POU2F3: variants seen among roughly 807,000 people sequenced by gnomAD.
The protein encoded by POU2F3 is POU domain, class 2, transcription factor 3.
In POU2F3, 23 loss-of-function variants were observed where a neutral mutation model predicts 59.2. The ratio of observed to expected loss-of-function variants is 0.39; its 90% CI spans 0.28 to 0.55. The LOEUF (loss-of-function observed/expected upper bound fraction) is 0.55. Ranked by LOEUF, POU2F3 falls within the 20% of genes least tolerant of loss-of-function variation. The probability of loss-of-function intolerance (pLI) is 0.66; values close to 1 mark genes in which losing one functional copy is unlikely to be tolerated. For missense variants in POU2F3, 473 were observed against 544.5 expected (o/e 0.87, Z 1.31); for synonymous variants, 190 against 214.6 (o/e 0.89, Z 1.00).
At chr11:120,275,115 T>C (rs1487616477) in intron 3 of POU2F3, among the ~76,000 whole-genome samples, 1 of 152,140 alleles carries the variant, frequency 6.6e-6, no homozygotes, top group Non-Finnish European at 1.5e-5. Context: ...ACTTGGACTG[T>C]AGAATTCCCT....
In POU2F3 at chr11:120,318,221, C is replaced by A. The variant is rs755835787; in HGVS notation, c.1272-132C>A. 7 of 781,724 alleles carry A rather than the reference C, an allele frequency of 9.0e-6. No individual in the cohort carries two copies. In the African/African-American group the frequency reaches 1.0e-4, roughly 12 times the overall value. 48.4% of individuals were successfully genotyped at this position (781,724 alleles called of 1,614,324 possible). A position where few individuals can be genotyped will look rare whatever the true frequency, so the allele number is the denominator to read the frequency against. Reference sequence around the variant, plus strand: ...ATTCACAAGGTTGTGCAACCATCAGCGTTATCTAATTCCAGGATGTTTTTA... The same window carrying A: ...ATTCACAAGGTTGTGCAACCATCAGAGTTATCTAATTCCAGGATGTTTTTA... On this transcript the variant is annotated intron_variant, in intron 12 of 12. Coordinates refer to ENST00000543440, the MANE Select transcript of POU2F3 (RefSeq NM_014352.4).
chr11:120,246,659 C>G, intron 2 of POU2F3, 142 bp downstream of exon 2: 1 of 785,790 alleles, frequency 1.3e-6, no homozygotes, highest in Non-Finnish European at 2.1e-6. Context: ...AGGGAATTCC[C>G]TGAGGACATG....
intron 6 of POU2F3, 119 bp from the exon 7 acceptor site, chr11:120,304,911 G>T: frequency 1.3e-6 from 1 of 779,080 alleles, no homozygotes; most frequent in Non-Finnish European, 1.9e-6. Flanking sequence ...GTGTATCCAG[G>T]GATCTGTCAT....
At chr11:120,258,108 T>A (rs576582074) in intron 2 of POU2F3, among the ~76,000 whole-genome samples, 1 of 152,312 alleles carries the variant, frequency 6.6e-6, no homozygotes, top group East Asian at 1.9e-4. Context: ...CACGCGCCCC[T>A]CTGAGCTGCA....
At position 120,246,456 on chromosome 11, in the gene POU2F3, G is replaced by T. The variant is rs551934538; in HGVS notation, c.36G>T (p.Lys12Asn). 1.7e-5 allele frequency: 27 copies of T among 1,613,924 alleles called. No individual in the cohort carries two copies. In the South Asian group the frequency reaches 2.9e-4, roughly 17 times the overall value. The change falls in exon 2 of 13, where the codon AAG becomes AAT. Residue 12 changes from lysine (K) to asparagine (N), a missense_variant. Transcript: ENST00000543440. ...VNLESMHTDI[K>N]MSGDVADSTD... The stretch of plus-strand genomic sequence containing the variant: ...GTTGTGTTTTCCCTGCAGATATCAA[G>T]ATGAGTGGGGATGTAGCCGATTCCA...
intron 1 of POU2F3, 67 bp downstream of exon 1, chr11:120,240,438 C>T (rs1938613425): frequency 7.7e-7 from 1 of 1,305,804 alleles, no homozygotes; most frequent in African/African-American, 1.5e-5. Flanking sequence ...AGGAGAGGGA[C>T]AACGTTCTGG....
chr11:120,237,130 C>T (rs541922974), upstream of POU2F3, among the ~76,000 whole-genome samples: 1 of 152,304 alleles, frequency 6.6e-6, no homozygotes, highest in East Asian at 1.9e-4. Context: ...GCGTTTACTT[C>T]TCTGAACCTC....
chr11:120,246,230 G>C (rs779317029), intron 1 of POU2F3, among the ~76,000 whole-genome samples: 13 of 152,132 alleles, frequency 8.5e-5, no homozygotes, highest in Non-Finnish European at 1.8e-4. Context: ...CGGGGAAAGG[G>C]GAAGAGAAAG....
At chr11:120,297,319 T>C (rs1002807723) in intron 3 of POU2F3, among the ~76,000 whole-genome samples, 1 of 152,056 alleles carries the variant, frequency 6.6e-6, no homozygotes, top group Non-Finnish European at 1.5e-5. Context: ...CACGCATGGG[T>C]GGTTAGTACT....
chr11:120,302,321 C>G lies in POU2F3; in HGVS notation c.397C>G (p.Gln133Glu), dbSNP rs758248719. The change falls in exon 6 of 13, where the codon CAA becomes GAA. Residue 133 changes from glutamine (Q) to glutamate (E), a missense_variant. Coordinates refer to ENST00000543440, the MANE Select transcript of POU2F3 (RefSeq NM_014352.4). ...AAATCTCCTCCCCTTTCCACAGCAA[C>G]AAAGCGGTCTCCTCCTCCCACAGAC... ...QPNLLPFPQQ[Q>E]SGLLLPQTGP... The G allele has an allele frequency of 6.2e-7, 1 of 1,613,192 alleles. No homozygotes were observed. The highest frequency in any genetic ancestry group is 1.7e-5 in the Admixed American group (1 of 60,002).
chr11:120,267,301 G>C (rs1939867599), intron 2 of POU2F3, among the ~76,000 whole-genome samples: 1 of 151,972 alleles, frequency 6.6e-6, no homozygotes, highest in Non-Finnish European at 1.5e-5. Context: ...GCTAATTTTT[G>C]TATTTTTAGT....
chr11:120,273,314 C>T (rs752283697), intron 3 of POU2F3, among the ~76,000 whole-genome samples: 9 of 152,172 alleles, frequency 5.9e-5, no homozygotes, highest in Non-Finnish European at 1.3e-4. Flanking sequence ...TAAACTGCAA[C>T]GATGCATAGT....
chr11:120,283,392 G>C (rs1940650597), intron 3 of POU2F3, among the ~76,000 whole-genome samples: 1 of 152,196 alleles, frequency 6.6e-6, no homozygotes, highest in African/African-American at 2.4e-5. Context: ...ACTTTGTCCA[G>C]GATGTGGCAA....
intron 3 of POU2F3, among the ~76,000 whole-genome samples, chr11:120,276,433 G>C (rs1940328457): frequency 6.6e-6 from 1 of 152,070 alleles, no homozygotes; most frequent in Non-Finnish European, 1.5e-5. Context: ...ATGGAGGGAG[G>C]CTCCGAGACC....
upstream of POU2F3, chr11:120,240,114 G>T: frequency 8.6e-7 from 1 of 1,157,532 alleles, no homozygotes; most frequent in Non-Finnish European, 1.1e-6. Flanking sequence ...GGCGGCCCCC[G>T]CCCCGCGCCG....
intron 2 of POU2F3, among the ~76,000 whole-genome samples, chr11:120,262,255 C>T (rs1413541190): frequency 6.6e-6 from 1 of 152,238 alleles, no homozygotes; most frequent in Non-Finnish European, 1.5e-5. Flanking sequence ...TATCCATCAT[C>T]TGGATTCAAT....
chr11:120,271,531 G>A (rs1307053495), intron 3 of POU2F3, among the ~76,000 whole-genome samples: 1 of 152,228 alleles, frequency 6.6e-6, no homozygotes, highest in African/African-American at 2.4e-5. Flanking sequence ...CCAGCCCCTT[G>A]GGACAAGATG....
intron 3 of POU2F3, among the ~76,000 whole-genome samples, chr11:120,294,490 C>T (rs1234836932): frequency 2.0e-5 from 3 of 152,180 alleles, no homozygotes; most frequent in Non-Finnish European, 4.4e-5. Flanking sequence ...ATTGGGTTTT[C>T]GTCCAATTTG....
At chr11:120,237,159 G>A (rs973907927), upstream of POU2F3, among the ~76,000 whole-genome samples, 2 of 152,140 alleles carry the variant, frequency 1.3e-5, no homozygotes, top group African/African-American at 4.8e-5. Flanking sequence ...CATCTGTAAC[G>A]CAGGGCTAAT....
Sources: gnomAD v4.1 joint callset for allele counts (sites outside exome capture counted in the v4.1 genomes callset) on GRCh38, gnomAD v4.1.1 for gene constraint, MANE v1.5 for transcripts, NCBI Gene and HGNC (gene_info 2026-07-23, HGNC 2026-07-21) for gene names.